The following ZMYM2 variants were observed in gnomAD, a reference collection of about 807,000 sequenced individuals.
ZMYM2 encodes zinc finger MYM-type containing 2.
A neutral mutation model predicts 162.8 loss-of-function variants in ZMYM2; 56 were observed. That is an observed-to-expected ratio of 0.34 (90% CI 0.28 to 0.43). The LOEUF is 0.43. Ranked by LOEUF, ZMYM2 falls within the 20% of genes least tolerant of loss-of-function variation. ZMYM2 has a pLI of 1.00. For synonymous variants in ZMYM2, 510 were observed against 541.6 expected, an observed-to-expected ratio of 0.94 and a Z score of 0.81; for missense variants, 1,275 against 1,621.8, an observed-to-expected ratio of 0.79 and a Z score of 3.67.
chr13:19,916,541 G>C, the ZMYM2 span, among the ~76,000 whole-genome samples: 2 of 152,142 alleles, frequency 1.3e-5, no homozygotes, highest in Non-Finnish European at 2.9e-5. Context: ...CATAGAAAAG[G>C]ATGAGTTCAT....
At chr13:20,029,058 G>C (rs1400498217) in intron 9 of ZMYM2, among the ~76,000 whole-genome samples, 1 of 152,116 alleles carries the variant, frequency 6.6e-6, no homozygotes, top group African/African-American at 2.4e-5. Flanking sequence ...TAAGATAACA[G>C]GATAGTATTC....
At chr13:19,923,540 T>C in the ZMYM2 span, among the ~76,000 whole-genome samples, 13 of 144,926 alleles carry the variant, frequency 9.0e-5, no homozygotes, top group Non-Finnish European at 1.5e-4. Flanking sequence ...TTTTTTTTTA[T>C]AAGAGACGGG....
In ZMYM2 at chr13:20,076,873, G is replaced by A. The variant is rs146288891; in HGVS notation, c.3454-5143G>A. Among the ~76,000 whole-genome samples, 214 of 150,126 alleles carry A rather than the reference G, an allele frequency of 1.4e-3. 25 individuals carry two copies. The highest frequency in any genetic ancestry group is 5.3e-3 in the African/African-American group (209 of 39,600). ...TTTTTTTGAGACGGAGTTTCACTCT[G>A]TCACCCAGGCTGGAGTGCAGTGGTG... On this transcript the variant is annotated intron_variant, in intron 21 of 24. Transcript: ENST00000610343.
the ZMYM2 span, among the ~76,000 whole-genome samples, chr13:19,911,257 C>T: frequency 5.3e-5 from 8 of 151,982 alleles, no homozygotes; most frequent in Non-Finnish European, 2.9e-5. Flanking sequence ...TGAGATTTCA[C>T]CATGTTGGCC....
At chr13:19,899,836 A>AAAAAAAAAG in the ZMYM2 span, among the ~76,000 whole-genome samples, 84 of 120,892 alleles carry the variant, frequency 6.9e-4, no homozygotes, top group African/African-American at 9.9e-4. Flanking sequence ...AAAAAAAAAA[A>AAAAAAAAAG]AAGGAAAACA....
chr13:19,866,508 G>C, the ZMYM2 span, among the ~76,000 whole-genome samples: 1 of 151,688 alleles, frequency 6.6e-6, no homozygotes, highest in Admixed American at 6.6e-5. Flanking sequence ...CCTACTAAAA[G>C]TACAAAAGTA....
the ZMYM2 span, among the ~76,000 whole-genome samples, chr13:19,880,318 CGT>C: frequency 6.6e-6 from 1 of 152,228 alleles, no homozygotes. Context: ...TCTTTCCATT[CGT>C]GTTTTATTTC....
the ZMYM2 span, among the ~76,000 whole-genome samples, chr13:19,918,495 C>CTTTTTTTTTTTTTTTTTT: frequency 1.9e-5 from 2 of 107,502 alleles, no homozygotes; most frequent in African/African-American, 7.0e-5. Flanking sequence ...TTCTTTCTTT[C>CTTTTTTTTTTTTTTTTTT]TTTTTTTTTT....
intron 7 of ZMYM2, among the ~76,000 whole-genome samples, chr13:20,023,652 T>A (rs1412832900): frequency 3.3e-5 from 5 of 152,240 alleles, no homozygotes; most frequent in African/African-American, 1.2e-4. Context: ...TTTTTCCCCA[T>A]GCCCAAAAAG....
chr13:19,978,104 C>A (rs1956954680), intron 2 of ZMYM2, among the ~76,000 whole-genome samples: 1 of 151,854 alleles, frequency 6.6e-6, no homozygotes, highest in Non-Finnish European at 1.5e-5. Flanking sequence ...GTCTTGAACT[C>A]CTGACCTAGT....
the ZMYM2 span, among the ~76,000 whole-genome samples, chr13:19,869,345 T>C: frequency 6.6e-6 from 1 of 152,194 alleles, no homozygotes; most frequent in African/African-American, 2.4e-5. Flanking sequence ...TATAAGTATA[T>C]GAAATATTAA....
At chr13:20,057,709 A>G (rs896391699) in intron 14 of ZMYM2, among the ~76,000 whole-genome samples, 1 of 152,224 alleles carries the variant, frequency 6.6e-6, no homozygotes, top group Non-Finnish European at 1.5e-5. Flanking sequence ...AAAATACTGT[A>G]TGAAGTATCG....
At chr13:19,974,374 C>T (rs1956598179) in intron 2 of ZMYM2, among the ~76,000 whole-genome samples, 1 of 152,230 alleles carries the variant, frequency 6.6e-6, no homozygotes, top group South Asian at 2.1e-4. Context: ...TGAAGTGCTG[C>T]ATGGTGTTTT....
chr13:20,068,788 G>A (rs752522910), intron 21 of ZMYM2, among the ~76,000 whole-genome samples: 11 of 152,128 alleles, frequency 7.2e-5, no homozygotes, highest in Non-Finnish European at 4.4e-5. Flanking sequence ...TTAAAGTGCT[G>A]TAGAGAGCAC....
chr13:20,024,700 CAAAA>C (rs753772060), intron 7 of ZMYM2: 2 of 200,662 alleles, frequency 1.0e-5, no homozygotes, highest in Non-Finnish European at 2.0e-5. Flanking sequence ...AGGAAACAAA[CAAAA>C]AAAAAAGCAG....
intron 2 of ZMYM2, among the ~76,000 whole-genome samples, chr13:19,982,289 T>TTC (rs1233813350): frequency 9.0e-6 from 1 of 111,630 alleles, no homozygotes; most frequent in African/African-American, 5.1e-5. Flanking sequence ...GTCTTTTTTT[T>TTC]TTTTTTTTTT....
Position 20,075,420 on chromosome 13 carries a change from TTTTG to T in ZMYM2, c.3454-6580_3454-6577del, listed in dbSNP as rs556395793. Among the ~76,000 whole-genome samples, 56 of 152,200 alleles carry T rather than the reference TTTTG, an allele frequency of 3.7e-4. 1 individual carries two copies. The highest frequency in any genetic ancestry group is 3.5e-3 in the South Asian group (17 of 4,820). On this transcript the variant is annotated intron_variant, in intron 21 of 24. Transcript: ENST00000610343. ...GGGAGCTCGGCCTTATTTTTTCTTG[TTTTG>T]TTTGTTTGTTTGTTTTTCTTACTCT... is the stretch of plus-strand genomic sequence containing the variant.
chr13:19,922,508 G>T, the ZMYM2 span, among the ~76,000 whole-genome samples: 7 of 152,270 alleles, frequency 4.6e-5, no homozygotes, highest in African/African-American at 1.7e-4. Context: ...TCAGATAAGA[G>T]CTCTTTTCTC....
Position 19,993,158 on chromosome 13 carries a change from C to G in ZMYM2, c.86C>G (p.Thr29Arg), listed in dbSNP as rs746930699. ...AGTACGGCCATGGCAACTAGTCTCA[C>G]GAATGTAGGAAACTCATTTAGTGGT... Reference protein sequence around the residue: ...LGSTAMATSLTNVGNSFSGPA... With the variant: ...LGSTAMATSLRNVGNSFSGPA... The change falls in exon 3 of 25, where the codon ACG becomes AGG. Residue 29 changes from threonine to arginine, a missense_variant. Coordinates refer to ENST00000610343, the MANE Select transcript of ZMYM2 (RefSeq NM_197968.4). 29 of 1,613,956 alleles carry G rather than the reference C, an allele frequency of 1.8e-5. No individual in the cohort carries two copies. Among genetic ancestry groups the G allele is most frequent in the African/African-American group, 2.7e-5 (2 of 74,898 alleles).
Sources: allele counts gnomAD v4.1 joint callset (sites outside exome capture counted in the v4.1 genomes callset), GRCh38; gene constraint gnomAD v4.1.1; transcripts MANE v1.5; gene names NCBI Gene and HGNC (gene_info 2026-07-23, HGNC 2026-07-21).